The following VWA8 variants were observed in gnomAD, a reference collection of about 807,000 sequenced individuals.
The protein encoded by VWA8 is von Willebrand factor A domain containing 8.
Under a neutral mutation model 241.5 loss-of-function variants are expected in VWA8, and 221 were observed. The observed-to-expected ratio is 0.91, with a 90% CI of 0.82 to 1.02. The LOEUF is 1.02. Ranked by LOEUF, VWA8 falls within the 50% of genes least tolerant of loss-of-function variation. The pLI is 0.00. For synonymous variants in VWA8, 852 were observed against 827.1 expected (o/e 1.03, Z -0.52); for missense variants, 2,322 against 2,328.7 (o/e 1.00, Z 0.06).
At chr13:41,866,406 T>C (rs1873316014) in intron 10 of VWA8, among the ~76,000 whole-genome samples, 1 of 150,948 alleles carries the variant, frequency 6.6e-6, no homozygotes, top group Non-Finnish European at 1.5e-5. Flanking sequence ...TGTGTGTGTA[T>C]ATGTGTGTGT....
At chr13:41,822,549 A>C (rs1462370819) in intron 14 of VWA8, among the ~76,000 whole-genome samples, 1 of 152,186 alleles carries the variant, frequency 6.6e-6, no homozygotes, top group East Asian at 1.9e-4. Flanking sequence ...ATTGTTAATG[A>C]CCATCATTGC....
chr13:41,892,414 C>G (rs953420354), intron 4 of VWA8, among the ~76,000 whole-genome samples: 1 of 152,140 alleles, frequency 6.6e-6, no homozygotes, highest in Non-Finnish European at 1.5e-5. Context: ...CTGTTATTCC[C>G]TCCCTTAAAA....
intron 36 of VWA8, among the ~76,000 whole-genome samples, chr13:41,672,112 A>T (rs1172361991): frequency 6.6e-6 from 1 of 152,068 alleles, no homozygotes; most frequent in Non-Finnish European, 1.5e-5. Context: ...TGAGTACTGG[A>T]CTCACTCCTT....
chr13:41,633,257 A>G (rs565875050), intron 37 of VWA8, among the ~76,000 whole-genome samples: 1 of 152,366 alleles, frequency 6.6e-6, no homozygotes, highest in South Asian at 2.1e-4. Context: ...GTGGCTAGAT[A>G]TATAAGCTGG....
intron 37 of VWA8, among the ~76,000 whole-genome samples, chr13:41,632,374 T>C (rs1319111947): frequency 6.6e-6 from 1 of 152,110 alleles, no homozygotes; most frequent in African/African-American, 2.4e-5. Flanking sequence ...GGAGGGTAGG[T>C]AGACAAGCCA....
In VWA8 at chr13:41,721,492, G is replaced by C; in HGVS notation, c.2842C>G (p.Pro948Ala). 1 of 1,613,898 alleles carries C rather than the reference G, an allele frequency of 6.2e-7. No individual in the cohort carries two copies. Among genetic ancestry groups the C allele is most frequent in the South Asian group, 1.1e-5 (1 of 91,072 alleles). Residue 948 changes from proline (P) to alanine (A), a missense_variant, in exon 25 of 45, where the codon CCT (proline) becomes GCT (alanine). Coordinates refer to ENST00000379310, the MANE Select transcript of VWA8 (RefSeq NM_015058.2). ...ACAAGCTTCTGAAGGATGGGCTCAG[G>C]CACATTTGGTCCATACTGTCTGAGC... is the stretch of plus-strand genomic sequence containing the variant. ...EMLRQYGPNV[P>A]EPILQKLVAA...
chr13:41,927,814 A>T (rs937993191), intron 2 of VWA8, among the ~76,000 whole-genome samples: 1 of 152,152 alleles, frequency 6.6e-6, no homozygotes, highest in African/African-American at 2.4e-5. Context: ...GCATGGATTT[A>T]AAAAAAGGGG....
At chr13:41,744,967 A>G (rs1252608590) in intron 21 of VWA8, among the ~76,000 whole-genome samples, 1 of 152,016 alleles carries the variant, frequency 6.6e-6, no homozygotes, top group Non-Finnish European at 1.5e-5. Flanking sequence ...CCTCCCGAGT[A>G]GCTGGGAGTA....
chr13:41,823,267 A>G (rs1382373861), intron 14 of VWA8, among the ~76,000 whole-genome samples: 1 of 152,166 alleles, frequency 6.6e-6, no homozygotes, highest in Non-Finnish European at 1.5e-5. Context: ...TTGTGCTCAA[A>G]TGTCCAGTTA....
chr13:41,880,429 TA>T (rs1407499451), intron 9 of VWA8, among the ~76,000 whole-genome samples: 1 of 152,196 alleles, frequency 6.6e-6, no homozygotes, highest in African/African-American at 2.4e-5. Flanking sequence ...AATCACCACA[TA>T]AGCCTCCAAA....
chr13:41,732,811 G>A (rs2045495231), intron 21 of VWA8, among the ~76,000 whole-genome samples: 1 of 152,170 alleles, frequency 6.6e-6, no homozygotes, highest in Non-Finnish European at 1.5e-5. Flanking sequence ...CTATCCTGAT[G>A]TTAAGAACCT....
At chr13:41,957,387 T>C (rs762664816) in intron 1 of VWA8, among the ~76,000 whole-genome samples, 16 of 152,206 alleles carry the variant, frequency 1.1e-4, no homozygotes, top group African/African-American at 3.1e-4. Context: ...TGCGAAACTA[T>C]TGAGTCCATG....
At chr13:41,572,094 A>G (rs1202935217) in intron 43 of VWA8, among the ~76,000 whole-genome samples, 1 of 150,606 alleles carries the variant, frequency 6.6e-6, no homozygotes, top group East Asian at 1.9e-4. Flanking sequence ...CTGAGCAGTG[A>G]GGAGCCCCTC....
intron 41 of VWA8, among the ~76,000 whole-genome samples, chr13:41,589,988 C>T (rs1176050021): frequency 6.6e-6 from 1 of 152,220 alleles, no homozygotes; most frequent in Admixed American, 6.5e-5. Context: ...TTGTATGCCT[C>T]TTCTCCTATT....
intron 1 of VWA8, among the ~76,000 whole-genome samples, chr13:41,959,606 C>CTTTTTTTTTTT (rs1168629617): frequency 0.029 from 2,314 of 79,518 alleles, 486 homozygotes; most frequent in South Asian, 0.063. Flanking sequence ...CCTAAATATG[C>CTTTTTTTTTTT]TTTTTTTTTT....
chr13:41,916,880 G>A (rs1876285299), intron 2 of VWA8, among the ~76,000 whole-genome samples: 1 of 152,142 alleles, frequency 6.6e-6, no homozygotes, highest in African/African-American at 2.4e-5. Context: ...CACAGTACAC[G>A]AGAGAAATCC....
At chr13:41,714,743 CTA>C (rs2045337890) in intron 26 of VWA8, among the ~76,000 whole-genome samples, 1 of 152,050 alleles carries the variant, frequency 6.6e-6, no homozygotes, top group Admixed American at 6.5e-5. Flanking sequence ...CCAAAAGTCT[CTA>C]TTTATCTGCT....
chr13:41,760,251 G>A (rs1340930179), intron 21 of VWA8, among the ~76,000 whole-genome samples: 3 of 151,650 alleles, frequency 2.0e-5, no homozygotes, highest in Non-Finnish European at 4.4e-5. Flanking sequence ...ACCCTGTCAT[G>A]GGCAGAGGTA....
intron 37 of VWA8, among the ~76,000 whole-genome samples, chr13:41,633,002 C>T (rs559484074): frequency 6.6e-6 from 1 of 152,256 alleles, no homozygotes; most frequent in African/African-American, 2.4e-5. Context: ...TGGTTTTGGG[C>T]TTTGAGGCTT....
Sources: gnomAD v4.1 joint callset for allele counts (sites outside exome capture counted in the v4.1 genomes callset) on GRCh38, gnomAD v4.1.1 for gene constraint, MANE v1.5 for transcripts, NCBI Gene and HGNC (gene_info 2026-07-23, HGNC 2026-07-21) for gene names.